Variants in SHISA9 observed in about 807,000 individuals in gnomAD.
The protein encoded by SHISA9 is shisa family member 9.
Under a neutral mutation model 38.0 loss-of-function variants are expected in SHISA9, and 13 were observed. That is an observed-to-expected ratio of 0.34 (90% CI 0.22 to 0.54). The LOEUF (loss-of-function observed/expected upper bound fraction) is 0.54. Among genes scored for constraint, SHISA9 ranks in the 20% least tolerant of loss-of-function variants. The probability of loss-of-function intolerance (pLI) is 0.91; values close to 1 mark genes in which losing one functional copy is unlikely to be tolerated. For synonymous variants in SHISA9, 275 were observed against 242.0 expected (o/e 1.14, Z -1.27); for missense variants, 538 against 575.8 (o/e 0.93, Z 0.67).
the SHISA9 span, among the ~76,000 whole-genome samples, chr16:13,548,745 A>G: frequency 6.6e-6 from 1 of 151,846 alleles, no homozygotes; most frequent in Non-Finnish European, 1.5e-5. Context: ...AGGAGAACAC[A>G]TACCTTTTTG....
chr16:12,929,305 A>T (rs2071433373), intron 2 of SHISA9, among the ~76,000 whole-genome samples: 1 of 152,212 alleles, frequency 6.6e-6, no homozygotes, highest in Admixed American at 6.5e-5. Flanking sequence ...ACCCAAAGGA[A>T]TATAAATCAT....
the SHISA9 span, among the ~76,000 whole-genome samples, chr16:13,561,417 G>A: frequency 6.6e-6 from 1 of 152,232 alleles, no homozygotes; most frequent in Admixed American, 6.5e-5. Context: ...CTTCATTCTC[G>A]TGCTGCTGTC....
chr16:13,103,045 T>C (rs2073894237), intron 2 of SHISA9, among the ~76,000 whole-genome samples: 1 of 152,224 alleles, frequency 6.6e-6, no homozygotes, highest in African/African-American at 2.4e-5. Flanking sequence ...TTTGAACACA[T>C]TTTCTCTAGT....
chr16:13,496,839 G>A, the SHISA9 span, among the ~76,000 whole-genome samples: 2 of 152,142 alleles, frequency 1.3e-5, no homozygotes, highest in African/African-American at 4.8e-5. Flanking sequence ...TTGGCCAAGA[G>A]ATGAAGATAT....
At chr16:13,518,310 GGCTCAAGAT>G in the SHISA9 span, among the ~76,000 whole-genome samples, 1 of 152,112 alleles carries the variant, frequency 6.6e-6, no homozygotes, top group African/African-American at 2.4e-5. Context: ...AGCCAAAGGA[GGCTCAAGAT>G]GCTATCTCAG....
At chr16:13,435,796 G>A in the SHISA9 span, among the ~76,000 whole-genome samples, 5 of 152,170 alleles carry the variant, frequency 3.3e-5, no homozygotes, top group Admixed American at 1.3e-4. Context: ...CTGAACATAG[G>A]GCTTGGGGGT....
intron 2 of SHISA9, among the ~76,000 whole-genome samples, chr16:12,945,238 C>A (rs934238395): frequency 6.6e-6 from 1 of 152,120 alleles, no homozygotes. Context: ...CTATAGGGAA[C>A]TGACAGTGTC....
At chr16:13,344,486 AGCTGTG>A in the SHISA9 span, among the ~76,000 whole-genome samples, 45,890 of 151,574 alleles carry the variant, frequency 0.3, 7,237 homozygotes, top group African/African-American at 0.42. Context: ...GGTTCTCTAA[AGCTGTG>A]GCAGAATTCA....
intron 2 of SHISA9, among the ~76,000 whole-genome samples, chr16:13,098,630 G>A (rs928486165): frequency 1.3e-5 from 2 of 152,198 alleles, no homozygotes; most frequent in African/African-American, 4.8e-5. Flanking sequence ...CAACCCAAAG[G>A]ACTTGAGTGG....
intron 2 of SHISA9, among the ~76,000 whole-genome samples, chr16:13,022,258 C>T (rs530761521): frequency 1.6e-4 from 25 of 151,720 alleles, no homozygotes; most frequent in Admixed American, 5.9e-4. Flanking sequence ...CTGAAGCCAT[C>T]CTCTCACCTC....
intron 2 of SHISA9, among the ~76,000 whole-genome samples, chr16:12,984,307 T>C (rs1196511391): frequency 2.0e-5 from 3 of 152,248 alleles, no homozygotes; most frequent in Admixed American, 2.0e-4. Context: ...GCCCCTGTAA[T>C]GTATAAAATC....
At chr16:13,412,845 G>A in the SHISA9 span, among the ~76,000 whole-genome samples, 9 of 151,990 alleles carry the variant, frequency 5.9e-5, no homozygotes, top group Non-Finnish European at 8.8e-5. Context: ...GACAGAGAAA[G>A]ACCCTGTCCC....
intron 1 of SHISA9, chr16:12,908,828 G>A: frequency 7.7e-6 from 10 of 1,300,052 alleles, no homozygotes; most frequent in Non-Finnish European, 8.8e-6. Flanking sequence ...CATATGTGAA[G>A]CTCTCTACAC....
chr16:12,962,865 G>A (rs1019963414), intron 2 of SHISA9, among the ~76,000 whole-genome samples: 3 of 152,160 alleles, frequency 2.0e-5, no homozygotes, highest in African/African-American at 4.8e-5. Context: ...CCTGACCAGG[G>A]GTAGCTGTGT....
At chr16:13,136,773 G>A (rs535774833) in intron 2 of SHISA9, among the ~76,000 whole-genome samples, 1 of 152,222 alleles carries the variant, frequency 6.6e-6, no homozygotes, top group East Asian at 1.9e-4. Flanking sequence ...CTACTGATAA[G>A]TCCACACCAT....
intron 2 of SHISA9, among the ~76,000 whole-genome samples, chr16:13,108,253 C>T (rs140562165): frequency 2.0e-5 from 3 of 151,990 alleles, no homozygotes; most frequent in Non-Finnish European, 2.9e-5. Flanking sequence ...CTCACCTTTT[C>T]GAGTAGCTGA....
intron 1 of SHISA9, among the ~76,000 whole-genome samples, chr16:12,915,661 G>A (rs1490638788): frequency 6.6e-6 from 1 of 152,146 alleles, no homozygotes; most frequent in Non-Finnish European, 1.5e-5. Flanking sequence ...CATTCCTGAA[G>A]GTAAGTGAAA....
At chr16:13,225,011 T>C (rs1017087038) in intron 4 of SHISA9, among the ~76,000 whole-genome samples, 4 of 152,056 alleles carry the variant, frequency 2.6e-5, no homozygotes, top group African/African-American at 7.2e-5. Flanking sequence ...GCAGAGGTCA[T>C]TGAGTTGAGG....
Position 13,235,161 on chromosome 16 carries a change from G to A in SHISA9, c.1027G>A (p.Ala343Thr), listed in dbSNP as rs2051369814. 1 of 1,551,756 alleles carries A rather than the reference G, an allele frequency of 6.4e-7. No homozygotes were observed. Among genetic ancestry groups the A allele is most frequent in the Admixed American group, 2.0e-5 (1 of 51,004 alleles). Reference sequence around the variant, plus strand: ...GGCCTTCAGCCCTGAGCACGGTCCTGCCAAGCAGAATGGACAGAAGTCCCG... The same window carrying A: ...GGCCTTCAGCCCTGAGCACGGTCCTACCAAGCAGAATGGACAGAAGTCCCG... ...PRAFSPEHGP[A>T]KQNGQKSRTN... Residue 343 changes from alanine to threonine, a missense_variant, in exon 5 of 5, where the codon GCC becomes ACC. By Grantham distance (58) the Ala-to-Thr change is moderately conservative (BLOSUM62 0). Coordinates refer to ENST00000558583, the MANE Select transcript of SHISA9 (RefSeq NM_001145204.3).
Sources: allele counts gnomAD v4.1 joint callset (sites outside exome capture counted in the v4.1 genomes callset), GRCh38; gene constraint gnomAD v4.1.1; transcripts MANE v1.5; gene names NCBI Gene and HGNC (gene_info 2026-07-23, HGNC 2026-07-21).